The following PTPRZ1 variants were observed in gnomAD, a reference collection of about 807,000 sequenced individuals.
PTPRZ1 encodes receptor-type tyrosine-protein phosphatase zeta.
PTPRZ1 carries 82 observed loss-of-function variants against 214.1 expected under a neutral mutation model. The observed-to-expected ratio is 0.38, with a 90% CI of 0.32 to 0.46. The LOEUF is 0.46. Among genes scored for constraint, PTPRZ1 ranks in the 20% least tolerant of loss-of-function variants. The pLI is 1.00. For missense variants in PTPRZ1, 2,603 were observed against 2,748.7 expected (o/e 0.95, Z 1.19); for synonymous variants, 945 against 987.9 (o/e 0.96, Z 0.81).
intron 1 of PTPRZ1, among the ~76,000 whole-genome samples, chr7:121,887,317 C>T (rs1431343336): frequency 1.3e-5 from 2 of 152,240 alleles, no homozygotes; most frequent in African/African-American, 4.8e-5. Context: ...ACAATCATTT[C>T]TGCCTAATCA....
intron 10 of PTPRZ1, among the ~76,000 whole-genome samples, 194 bp from the exon 11 acceptor site, chr7:122,004,420 G>A (rs988825990): frequency 6.6e-6 from 1 of 152,116 alleles, no homozygotes; most frequent in African/African-American, 2.4e-5. Flanking sequence ...ATAAGCTCAT[G>A]TAGTGTTGTG....
chr7:122,057,297 G>A (rs1170752578), intron 27 of PTPRZ1, among the ~76,000 whole-genome samples: 2 of 151,740 alleles, frequency 1.3e-5, no homozygotes, highest in South Asian at 4.2e-4. Flanking sequence ...GGAATGAAAC[G>A]GCATCTCTTG....
Position 122,061,498 on chromosome 7 carries a change from A to G in PTPRZ1, c.*278A>G, listed in dbSNP as rs1251904358. The G allele has an allele frequency of 1.9e-5, 4 of 207,262 alleles. No homozygotes were observed. Among genetic ancestry groups the G allele is most frequent in the Non-Finnish European group, 3.8e-5 (4 of 104,822 alleles). The allele number at this position is 207,262 out of a possible 1,614,324, so 12.8% of individuals were successfully genotyped here. ...TTTTTCTGTATTGATTTTAACAGAA[A>G]ATTTCAATTTATAGAGGTTAGGAAT... On this transcript the variant is annotated 3_prime_UTR_variant, in exon 30 of 30. Coordinates refer to ENST00000393386, the MANE Select transcript of PTPRZ1 (RefSeq NM_002851.3).
chr7:121,909,581 G>A (rs1392045055), intron 1 of PTPRZ1, among the ~76,000 whole-genome samples: 4 of 152,016 alleles, frequency 2.6e-5, no homozygotes, highest in Non-Finnish European at 4.4e-5. Context: ...AGAAAAAGTC[G>A]AGTAGAAAGT....
At chr7:121,874,269 C>T (rs1793984419) in intron 1 of PTPRZ1, among the ~76,000 whole-genome samples, 1 of 152,156 alleles carries the variant, frequency 6.6e-6, no homozygotes, top group Non-Finnish European at 1.5e-5. Flanking sequence ...TTCATCTGCA[C>T]CCTCCAGGTT....
At chr7:121,969,300 G>T (rs1278838982) in intron 3 of PTPRZ1, among the ~76,000 whole-genome samples, 1 of 152,014 alleles carries the variant, frequency 6.6e-6, no homozygotes, top group South Asian at 2.1e-4. Flanking sequence ...AGTGGCTCAC[G>T]CCTGTAATCC....
At chr7:121,930,547 TTG>T (rs1795890008) in intron 2 of PTPRZ1, among the ~76,000 whole-genome samples, 1 of 152,088 alleles carries the variant, frequency 6.6e-6, no homozygotes, top group Non-Finnish European at 1.5e-5. Context: ...TTTCAGAAAA[TTG>T]TGTTAAAATT....
intron 2 of PTPRZ1, among the ~76,000 whole-genome samples, chr7:121,962,375 G>T (rs1477458453): frequency 6.6e-6 from 1 of 151,614 alleles, no homozygotes; most frequent in Non-Finnish European, 1.5e-5. Flanking sequence ...TTGAACCCAG[G>T]AGGCAGAGGT....
At chr7:122,044,930 CG>C (rs1003246057) in intron 23 of PTPRZ1, among the ~76,000 whole-genome samples, 2 of 151,820 alleles carry the variant, frequency 1.3e-5, no homozygotes, top group Non-Finnish European at 2.9e-5. Flanking sequence ...AACATGAGTG[CG>C]GTGGCTCAGG....
intron 8 of PTPRZ1, among the ~76,000 whole-genome samples, chr7:121,989,689 A>G (rs1443640723): frequency 1.3e-5 from 2 of 152,210 alleles, no homozygotes; most frequent in Non-Finnish European, 2.9e-5. Flanking sequence ...TTTTTTCTTA[A>G]TGGATATACT....
chr7:121,921,348 T>G (rs1795592112), intron 1 of PTPRZ1, among the ~76,000 whole-genome samples: 1 of 152,150 alleles, frequency 6.6e-6, no homozygotes, highest in South Asian at 2.1e-4. Context: ...ACATAAAATC[T>G]AATTGCTCAC....
rs775870861 is a variant in PTPRZ1, at chr7:122,028,579, C to T, written c.5016C>T (p.Tyr1672=). Residue 1672 remains tyrosine, a synonymous_variant, in exon 14 of 30, where the codon TAC becomes TAT. Coordinates refer to ENST00000393386, the MANE Select transcript of PTPRZ1 (RefSeq NM_002851.3). ...AATGCTTCCAGACTGCACACTTTTA[C>T]TTAGAGGACAGTACATCCCCTAGAG... is the stretch of plus-strand genomic sequence containing the variant. ...WRKCFQTAHF[Y]LEDSTSPRVI... is the part of the protein sequence containing the mutation. 4 of 1,544,282 alleles carry T rather than the reference C, an allele frequency of 2.6e-6. No homozygotes were observed. The highest frequency in any genetic ancestry group is 3.6e-6 in the Non-Finnish European group (4 of 1,116,982).
Position 121,928,191 on chromosome 7 carries a change from C to T in PTPRZ1, c.94C>T (p.Leu32Phe), listed in dbSNP as rs752573366. ...ANGYYRQQRKLVEEIGWSYTG... is the reference protein window; with the variant it reads ...ANGYYRQQRKFVEEIGWSYTG... ...TGGATACTACAGACAACAGAGAAAA[C>T]TTGTTGAAGAGATTGGCTGGTCCTA... The change falls in exon 2 of 30, where the codon CTT becomes TTT. Residue 32 changes from leucine to phenylalanine, a missense_variant. By Grantham distance (22) the Leu-to-Phe change is conservative (BLOSUM62 0). Coordinates refer to ENST00000393386, the MANE Select transcript of PTPRZ1 (RefSeq NM_002851.3). 1.2e-6 allele frequency: 2 copies of T among 1,612,354 alleles called. No homozygotes were observed. Among genetic ancestry groups the T allele is most frequent in the South Asian group, 1.1e-5 (1 of 90,972 alleles).
At chr7:121,970,069 G>T (rs1797189425) in intron 3 of PTPRZ1, among the ~76,000 whole-genome samples, 1 of 150,486 alleles carries the variant, frequency 6.6e-6, no homozygotes. Context: ...TTTTGTCCTT[G>T]CGATAGTTTG....
At chr7:122,045,645 GTAAT>G (rs889836852) in intron 23 of PTPRZ1, among the ~76,000 whole-genome samples, 1 of 150,214 alleles carries the variant, frequency 6.7e-6, no homozygotes, top group African/African-American at 2.5e-5. Context: ...ATGTTAAAAT[GTAAT>G]TAAGTTGTAA....
At chr7:122,018,385 C>G (rs1228858213) in intron 12 of PTPRZ1, among the ~76,000 whole-genome samples, 1 of 152,118 alleles carries the variant, frequency 6.6e-6, no homozygotes, top group East Asian at 1.9e-4. Flanking sequence ...TGACTGGCCC[C>G]CAAAATAATC....
At chr7:121,891,467 T>TTTTTTTG (rs1303799154) in intron 1 of PTPRZ1, among the ~76,000 whole-genome samples, 2 of 143,244 alleles carry the variant, frequency 1.4e-5, no homozygotes, top group East Asian at 4.1e-4. Context: ...TTTTTTTTTT[T>TTTTTTTG]TTTTTTTTTT....
chr7:122,043,628 C>A (rs2150481188), intron 22 of PTPRZ1, among the ~76,000 whole-genome samples: 1 of 152,276 alleles, frequency 6.6e-6, no homozygotes, highest in South Asian at 2.1e-4. Context: ...TCCTTCCATC[C>A]ATTATCCTAA....
chr7:121,976,883 G>C (rs748611280), intron 6 of PTPRZ1, 32 bp downstream of exon 6: 4 of 1,581,202 alleles, frequency 2.5e-6, no homozygotes, highest in South Asian at 1.1e-5. Flanking sequence ...CTTTCTTCAG[G>C]ATTCTGCTTT....
Sources: gnomAD v4.1 joint callset for allele counts (sites outside exome capture counted in the v4.1 genomes callset) on GRCh38, gnomAD v4.1.1 for gene constraint, MANE v1.5 for transcripts, NCBI Gene and HGNC (gene_info 2026-07-23, HGNC 2026-07-21) for gene names.